Variants in RANBP17 observed in about 807,000 individuals in gnomAD.
RANBP17 encodes ran-binding protein 17.
In RANBP17, 158 loss-of-function variants were observed where a neutral mutation model predicts 141.2. The ratio of observed to expected loss-of-function variants is 1.12; its 90% CI spans 0.98 to 1.28. RANBP17 has a LOEUF of 1.28. RANBP17 is among the 50% of genes most tolerant of loss of function. RANBP17 has a pLI of 0.00. For missense variants in RANBP17, 1,438 were observed against 1,290.7 expected, an observed-to-expected ratio of 1.11 and a Z score of -1.75; for synonymous variants, 430 against 450.0, an observed-to-expected ratio of 0.96 and a Z score of 0.56.
intron 19 of RANBP17, among the ~76,000 whole-genome samples, chr5:171,202,681 A>G (rs1475740595): frequency 6.6e-6 from 1 of 152,116 alleles, no homozygotes; most frequent in Non-Finnish European, 1.5e-5. Flanking sequence ...CAGTTGAAAC[A>G]CCTTGGGGCC....
chr5:171,296,104 A>G (rs1236039306), intron 27 of RANBP17, 90 bp downstream of exon 27: 3 of 1,300,536 alleles, frequency 2.3e-6, no homozygotes, highest in Non-Finnish European at 3.2e-6. Flanking sequence ...CAGCTCACAC[A>G]TGGATGTCCC....
intron 14 of RANBP17, among the ~76,000 whole-genome samples, chr5:171,001,603 A>G (rs1180861181): frequency 6.6e-6 from 1 of 152,182 alleles, no homozygotes; most frequent in African/African-American, 2.4e-5. Context: ...GAGAAGGGCA[A>G]GAGGTAAAAG....
In RANBP17 at chr5:170,918,813, C is replaced by G. The variant is rs774444512; in HGVS notation, c.1055C>G (p.Pro352Arg). Residue 352 changes from proline (P) to arginine (R), a missense_variant, in exon 10 of 28, where the codon CCT becomes CGT. By Grantham distance (103) the Pro-to-Arg change is moderately radical. Transcript: ENST00000523189. ...LGELVMVKEY[P>R]EVIRLIANFT... is the part of the protein sequence containing the mutation. ...GAATTAGTTATGGTGAAGGAATATC[C>G]TGAAGTTATTAGATTGATTGCTAAT... The G allele has an allele frequency of 6.3e-6, 10 of 1,597,476 alleles. No homozygotes were observed. The highest frequency in any genetic ancestry group is 8.5e-6 in the Non-Finnish European group (10 of 1,170,696).
intron 25 of RANBP17, among the ~76,000 whole-genome samples, chr5:171,288,427 G>A (rs1768296527): frequency 6.6e-6 from 1 of 152,218 alleles, no homozygotes. Context: ...CTCCAGATGT[G>A]TAAAGTAGGT....
Position 171,170,135 on chromosome 5 carries a change from T to C in RANBP17, c.1716T>C (p.Tyr572=). ...GDQLQRTSKV[Y]ARMSEVLGIT... ...AATGAAATGTTTTAATGCAGGTATA[T>C]GCTCGTATGTCAGAAGTCTTAGGAA... Residue 572 remains tyrosine, a synonymous_variant, in exon 15 of 28, where the codon TAT becomes TAC. Transcript: ENST00000523189. 1 of 1,560,600 alleles carries C rather than the reference T, an allele frequency of 6.4e-7. No individual in the cohort carries two copies. The highest frequency in any genetic ancestry group is 8.7e-7 in the Non-Finnish European group (1 of 1,144,370).
chr5:171,296,282 G>GA (rs1260636030), intron 27 of RANBP17, among the ~76,000 whole-genome samples: 1 of 152,104 alleles, frequency 6.6e-6, no homozygotes, highest in Non-Finnish European at 1.5e-5. Flanking sequence ...GGAGAGATAT[G>GA]AAAAAATAAC....
At chr5:171,213,777 A>C in intron 21 of RANBP17, 39 bp downstream of exon 21, 1 of 1,401,728 alleles carries the variant, frequency 7.1e-7, no homozygotes, top group South Asian at 1.2e-5. Context: ...ACAGTCTACT[A>C]TTAGCGGAAA....
intron 11 of RANBP17, among the ~76,000 whole-genome samples, chr5:170,921,168 G>A (rs1302034520): frequency 6.6e-6 from 1 of 152,156 alleles, no homozygotes; most frequent in Non-Finnish European, 1.5e-5. Flanking sequence ...CCTTGCCCAT[G>A]CCTATGTCCT....
chr5:170,944,527 CA>C (rs2127481234), intron 12 of RANBP17, among the ~76,000 whole-genome samples: 1 of 152,304 alleles, frequency 6.6e-6, no homozygotes, highest in East Asian at 1.9e-4. Context: ...CTCAGCCTCC[CA>C]AAGTGCTGGT....
intron 14 of RANBP17, among the ~76,000 whole-genome samples, chr5:171,022,563 C>T (rs927663309): frequency 6.6e-6 from 1 of 152,248 alleles, no homozygotes; most frequent in Non-Finnish European, 1.5e-5. Flanking sequence ...TGAAAAGGCA[C>T]TCTGACCACA....
At chr5:171,199,453 AT>A (rs1294900437) in intron 18 of RANBP17, among the ~76,000 whole-genome samples, 1 of 152,170 alleles carries the variant, frequency 6.6e-6, no homozygotes, top group Non-Finnish European at 1.5e-5. Context: ...GAAAAAAAAA[AT>A]GGCTGGTAAG....
chr5:170,869,539 C>T (rs1767540818), intron 1 of RANBP17, among the ~76,000 whole-genome samples: 1 of 152,126 alleles, frequency 6.6e-6, no homozygotes, highest in Admixed American at 6.5e-5. Flanking sequence ...AAGGAGAAAC[C>T]ATTTCATGCC....
chr5:171,208,749 A>G (rs1272912025), intron 20 of RANBP17, among the ~76,000 whole-genome samples: 1 of 152,188 alleles, frequency 6.6e-6, no homozygotes, highest in Non-Finnish European at 1.5e-5. Context: ...TAAGCTACTT[A>G]ATATCCCAGA....
chr5:171,041,839 A>G (rs997678616), intron 14 of RANBP17, among the ~76,000 whole-genome samples: 1 of 152,016 alleles, frequency 6.6e-6, no homozygotes, highest in African/African-American at 2.4e-5. Flanking sequence ...CTATCAACCC[A>G]TCACCTAGGT....
intron 18 of RANBP17, among the ~76,000 whole-genome samples, chr5:171,186,576 G>A (rs1393584382): frequency 8.1e-5 from 8 of 98,696 alleles, no homozygotes; most frequent in African/African-American, 1.7e-4. Flanking sequence ...TCGCTCTGTC[G>A]CCCAGGCTGG....
Position 170,953,666 on chromosome 5 carries a change from A to G in RANBP17, c.1538A>G (p.Asp513Gly), listed in dbSNP as rs147407147. The change falls in exon 13 of 28, where the codon GAT becomes GGT. Residue 513 changes from aspartate to glycine, a missense_variant. Transcript: ENST00000523189. Reference protein sequence around the residue: ...VGGRLTYTSTDEHDAMDGELS... With the variant: ...VGGRLTYTSTGEHDAMDGELS... Reference sequence around the variant, plus strand: ...GGAAGATTAACATATACCAGTACAGATGAGCATGATGCTATGGATGGAGAA... The same window carrying G: ...GGAAGATTAACATATACCAGTACAGGTGAGCATGATGCTATGGATGGAGAA... 15 of 1,609,868 alleles carry G rather than the reference A, an allele frequency of 9.3e-6. No homozygotes were observed. The Admixed American group carries it at 2.3e-4, about 25-fold the overall frequency.
chr5:171,082,634 G>A (rs1785328365), intron 14 of RANBP17, among the ~76,000 whole-genome samples: 1 of 152,120 alleles, frequency 6.6e-6, no homozygotes, highest in Admixed American at 6.6e-5. Context: ...ACATAAATTG[G>A]AAGGTCACAT....
intron 20 of RANBP17, chr5:171,208,050 A>G (rs2127965339): frequency 6.6e-6 from 1 of 152,328 alleles, no homozygotes; most frequent in South Asian, 2.1e-4. Context: ...GATGATTTCC[A>G]CATTACTGCT....
intron 12 of RANBP17, among the ~76,000 whole-genome samples, chr5:170,942,425 AAATG>A (rs1446751981): frequency 1.3e-5 from 2 of 152,222 alleles, no homozygotes; most frequent in Admixed American, 1.3e-4. Flanking sequence ...TTATATAAAA[AAATG>A]AATGAACTAT....
Sources: allele counts gnomAD v4.1 joint callset (sites outside exome capture counted in the v4.1 genomes callset), GRCh38; gene constraint gnomAD v4.1.1; transcripts MANE v1.5; gene names NCBI Gene and HGNC (gene_info 2026-07-23, HGNC 2026-07-21).